Variants in BST1 observed in about 807,000 individuals in gnomAD.
The protein encoded by BST1 is bone marrow stromal cell antigen 1, also known as ADP-ribosyl cyclase/cyclic ADP-ribose hydrolase 2.
A neutral mutation model predicts 40.6 loss-of-function variants in BST1; 49 were observed. The observed-to-expected ratio is 1.21, with a 90% CI of 0.96 to 1.53. The LOEUF (loss-of-function observed/expected upper bound fraction) is 1.53. BST1 is among the 40% of genes most tolerant of loss of function. BST1 has a pLI of 0.00. For synonymous variants in BST1, 157 were observed against 159.3 expected (o/e 0.99, Z 0.11); for missense variants, 423 against 395.9 (o/e 1.07, Z -0.58).
chr4:15,731,350 GT>G, intron 8 of BST1: 2 of 502,078 alleles, frequency 4.0e-6, no homozygotes, highest in South Asian at 2.0e-5. Context: ...TTCTTGTTGA[GT>G]TTTTTCAGTA....
At chr4:15,751,099 A>T in the BST1 span, among the ~76,000 whole-genome samples, 1 of 152,224 alleles carries the variant, frequency 6.6e-6, no homozygotes, top group Non-Finnish European at 1.5e-5. Flanking sequence ...AACAGAGTTC[A>T]TGCACTACAG....
chr4:15,718,905 A>G lies in BST1; in HGVS notation c.705-2A>G. On this transcript the variant is annotated splice_acceptor_variant, in intron 6 of 8. Transcript: ENST00000265016. LOFTEE classifies it high-confidence loss of function. ...TTTTAATTATATATTTTCATGTTTT[A>G]GGGAATCCTGCGGGGAAGGCAGCAT... 1 of 1,613,256 alleles carries G rather than the reference A, an allele frequency of 6.2e-7. No homozygotes were observed.
chr4:15,723,556 C>T lies in BST1; in HGVS notation c.851+622C>T, dbSNP rs2148891360. On this transcript the variant is annotated intron_variant, in intron 8 of 8. Transcript: ENST00000265016. The stretch of plus-strand genomic sequence containing the variant: ...AGCCACCACGCCTGGCCCACACCAC[C>T]TTTTATGTAATCCTTTCTGAGTCAT... 10 of 985,420 alleles carry T rather than the reference C, an allele frequency of 1.0e-5. No homozygotes were observed. The South Asian group carries it at 4.7e-4, about 46-fold the overall frequency. 61.0% of individuals were successfully genotyped at this position (985,420 alleles called of 1,614,324 possible). A position where few individuals can be genotyped will look rare whatever the true frequency, so the allele number is the denominator to read the frequency against.
chr4:15,711,893 ATGCTGGGATGATATC>A lies in BST1; in HGVS notation c.534+7_534+21del. ...TTGGAAAAGGGCATCCATCCAGGTA[ATGCTGGGATGATATC>A]TGAGTGGTTGAGCATGTGTGGGACC... On this transcript the variant is annotated splice_donor_5th_base_variant and intron_variant, in intron 4 of 8. Coordinates refer to ENST00000265016, the MANE Select transcript of BST1 (RefSeq NM_004334.3). 1 of 1,610,882 alleles carries A rather than the reference ATGCTGGGATGATATC, an allele frequency of 6.2e-7. No individual in the cohort carries two copies. Among genetic ancestry groups the A allele is most frequent in the African/African-American group, 1.3e-5 (1 of 74,978 alleles).
chr4:15,758,978 GA>G, the BST1 span, among the ~76,000 whole-genome samples: 22 of 151,944 alleles, frequency 1.4e-4, no homozygotes, highest in African/African-American at 4.9e-4. Flanking sequence ...CCTTTTGTAG[GA>G]AATCATGGCT....
chr4:15,751,606 CACTATATCTATGTATATAGATA>C, the BST1 span, among the ~76,000 whole-genome samples: 1 of 151,810 alleles, frequency 6.6e-6, no homozygotes, highest in Non-Finnish European at 1.5e-5. Flanking sequence ...TATAGATATA[CACTATATCTATGTATATAGATA>C]TATGTGTATA....
At chr4:15,715,469 T>G (rs761677288) in intron 5 of BST1, 108 bp downstream of exon 5, 7 of 1,197,028 alleles carry the variant, frequency 5.8e-6, no homozygotes, top group Non-Finnish European at 8.4e-6. Flanking sequence ...TCATGCGTGC[T>G]TCTGTAAATT....
chr4:15,750,807 T>A, the BST1 span, among the ~76,000 whole-genome samples: 2 of 151,302 alleles, frequency 1.3e-5, no homozygotes, highest in Admixed American at 6.6e-5. Flanking sequence ...TAACTGGGTT[T>A]TTTTGTTCCT....
chr4:15,771,949 G>T, the BST1 span, among the ~76,000 whole-genome samples: 1 of 152,006 alleles, frequency 6.6e-6, no homozygotes, highest in Non-Finnish European at 1.5e-5. Flanking sequence ...AGTATGTGAG[G>T]AAAGCCAGGT....
intron 4 of BST1, among the ~76,000 whole-genome samples, chr4:15,712,754 C>G (rs953679633): frequency 2.4e-4 from 37 of 152,232 alleles, no homozygotes; most frequent in African/African-American, 8.4e-4. Flanking sequence ...AAAACATATT[C>G]TGTTTATTAT....
At chr4:15,750,552 T>A in the BST1 span, among the ~76,000 whole-genome samples, 1 of 152,200 alleles carries the variant, frequency 6.6e-6, no homozygotes, top group Non-Finnish European at 1.5e-5. Context: ...GGAACTACTA[T>A]CCAGAACTAT....
At chr4:15,722,565 G>A (rs969489824) in intron 7 of BST1, among the ~76,000 whole-genome samples, 2 of 151,380 alleles carry the variant, frequency 1.3e-5, no homozygotes, top group East Asian at 1.9e-4. Context: ...CTATAGGCAT[G>A]AGCGTCTGCA....
chr4:15,755,192 G>A, the BST1 span, among the ~76,000 whole-genome samples: 1 of 152,106 alleles, frequency 6.6e-6, no homozygotes, highest in Non-Finnish European at 1.5e-5. Context: ...AGGCTGGAGT[G>A]CAGTAGTGCA....
At chr4:15,710,512 G>A (rs997257444) in intron 3 of BST1, among the ~76,000 whole-genome samples, 6 of 152,042 alleles carry the variant, frequency 3.9e-5, no homozygotes, top group African/African-American at 1.4e-4. Flanking sequence ...ACTCTATTGT[G>A]CATTACAGCC....
At chr4:15,731,706 C>G in intron 8 of BST1, 34 bp from the exon 9 acceptor site, 5 of 1,591,436 alleles carry the variant, frequency 3.1e-6, no homozygotes, top group Non-Finnish European at 4.3e-6. Flanking sequence ...TACACCAATA[C>G]TGACACTTTC....
intron 7 of BST1, among the ~76,000 whole-genome samples, chr4:15,722,293 A>C (rs1308533989): frequency 1.3e-5 from 2 of 152,218 alleles, no homozygotes; most frequent in East Asian, 3.8e-4. Flanking sequence ...AGCTTTCTCA[A>C]TTGTAAATTG....
chr4:15,708,799 C>T lies in BST1; in HGVS notation c.451+1153C>T, dbSNP rs188538567. Among the ~76,000 whole-genome samples the T allele has an allele frequency of 2.5e-3, 375 of 152,046 alleles. 3 individuals carry two copies. The highest frequency in any genetic ancestry group is 1.5e-3 in the Admixed American group (23 of 15,262). On this transcript the variant is annotated intron_variant, in intron 3 of 8. Coordinates refer to ENST00000265016, the MANE Select transcript of BST1 (RefSeq NM_004334.3). Reference sequence around the variant, plus strand: ...GGGAGGCTGAGGCAGGAGAATCCCTCGAACCCTGGAGAAGGAGGTTGCACT... The same window carrying T: ...GGGAGGCTGAGGCAGGAGAATCCCTTGAACCCTGGAGAAGGAGGTTGCACT...
chr4:15,762,009 T>C, the BST1 span, among the ~76,000 whole-genome samples: 1 of 151,536 alleles, frequency 6.6e-6, no homozygotes, highest in Admixed American at 6.6e-5. Context: ...GCCAATATGC[T>C]GAAACCCCGT....
intron 7 of BST1, 58 bp downstream of exon 7, chr4:15,719,051 G>A: frequency 1.3e-6 from 2 of 1,498,144 alleles, no homozygotes; most frequent in African/African-American, 1.4e-5. Context: ...TTTGGAGGAG[G>A]TGGGCTGCCG....
Sources: allele counts gnomAD v4.1 joint callset (sites outside exome capture counted in the v4.1 genomes callset), GRCh38; gene constraint gnomAD v4.1.1; transcripts MANE v1.5; gene names NCBI Gene and HGNC (gene_info 2026-07-23, HGNC 2026-07-21).